ZNF154: variants seen among roughly 807,000 people sequenced by gnomAD.
The protein encoded by ZNF154 is zinc finger protein 154.
ZNF154 carries 6 observed loss-of-function variants against 7.5 expected under a neutral mutation model. The observed-to-expected ratio is 0.80, with a 90% CI of 0.44 to 1.57. The LOEUF (loss-of-function observed/expected upper bound fraction) is 1.57, where lower values mean the gene tolerates loss of function less well. Ranked by LOEUF, ZNF154 falls within the 40% of genes most tolerant of loss-of-function variation. The pLI, the probability that ZNF154 is intolerant of heterozygous loss-of-function variation, is 0.01. For missense variants in ZNF154, 485 were observed against 531.4 expected (o/e 0.91, Z 0.86); for synonymous variants, 187 against 185.9 (o/e 1.01, Z -0.05).
intron 1 of ZNF154, among the ~76,000 whole-genome samples, chr19:57,706,811 C>T (rs991572897): frequency 6.6e-6 from 1 of 152,192 alleles, no homozygotes; most frequent in Non-Finnish European, 1.5e-5. Flanking sequence ...ACCACCATGC[C>T]TAAAGATTAA....
Position 57,702,541 on chromosome 19 carries a change from TC to T in ZNF154, c.407del (p.Gly136GlufsTer154), listed in dbSNP as rs1415334454. The T allele has an allele frequency of 1.9e-6, 3 of 1,614,048 alleles. No homozygotes were observed. Among genetic ancestry groups the T allele is most frequent in the African/African-American group, 1.3e-5 (1 of 74,926 alleles). ...SHRGKTHYNC[G>X]EHTKAFSGKH... ...TACCGCTGAATGCTTTTGTGTGTTC[TC>T]CACAGTTGTAATGAGTTTTTCCTCT... On this transcript the variant is annotated frameshift_variant, in exon 3 of 3. Coordinates refer to ENST00000684351, the MANE Select transcript of ZNF154 (RefSeq NM_001085384.3). LOFTEE classifies it low-confidence loss of function (END_TRUNC).
intron 1 of ZNF154, among the ~76,000 whole-genome samples, chr19:57,708,012 C>T (rs938669463): frequency 6.6e-6 from 1 of 152,122 alleles, no homozygotes; most frequent in Admixed American, 6.5e-5. Context: ...CTCCACTTCC[C>T]TATGTGAGTT....
rs533121850 is a variant in ZNF154 at position 57,696,378 on chromosome 19, G to T, written c.*5257C>A. On this transcript the variant is annotated 3_prime_UTR_variant, in exon 3 of 3. Coordinates refer to ENST00000684351, the MANE Select transcript of ZNF154 (RefSeq NM_001085384.3). ...AAATGATAAGGCATCAACTCACTAG[G>T]TGCTGGGGATAGTGCTCGGCCCTGC... Among the ~76,000 whole-genome samples, 1 of 152,210 alleles carries T rather than the reference G, an allele frequency of 6.6e-6. No homozygotes were observed. Among genetic ancestry groups the T allele is most frequent in the East Asian group, 1.9e-4 (1 of 5,174 alleles).
chr19:57,701,456 C>A lies in ZNF154; in HGVS notation c.*179G>T. ...CTGATGCCACCCTCATAAGGGATCT[C>A]CTTCAGAGCTGTTATATCAACTGGA... On this transcript the variant is annotated 3_prime_UTR_variant, in exon 3 of 3. Coordinates refer to ENST00000684351, the MANE Select transcript of ZNF154 (RefSeq NM_001085384.3). 1.5e-6 allele frequency: 1 copy of A among 664,358 alleles called. No homozygotes were observed. The highest frequency in any genetic ancestry group is 2.5e-6 in the Non-Finnish European group (1 of 397,590). 41.2% of individuals were successfully genotyped at this position (664,358 alleles called of 1,614,324 possible).
Position 57,702,382 on chromosome 19 carries a change from A to T in ZNF154, c.567T>A (p.Tyr189Ter). The T allele has an allele frequency of 1.2e-6, 2 of 1,612,834 alleles. No individual in the cohort carries two copies. Among genetic ancestry groups the T allele is most frequent in the Non-Finnish European group, 1.7e-6 (2 of 1,178,924 alleles). Residue 189 changes from tyrosine (Y) to a stop codon, truncating the protein, a stop_gained, in exon 3 of 3, where the codon TAT becomes TAA. Transcript: ENST00000684351. LOFTEE classifies it low-confidence loss of function (END_TRUNC). ...HWRLHTGEKP[Y>*]ECRECGKSFR... Reference sequence around the variant, plus strand: ...AGGACTTCCCACACTCTCGACATTCATAAGGCTTTTCTCCAGTGTGAAGTC... The same window carrying T: ...AGGACTTCCCACACTCTCGACATTCTTAAGGCTTTTCTCCAGTGTGAAGTC...
rs34169428 is a variant in ZNF154, at chr19:57,702,374, C to A, written c.575G>T (p.Arg192Leu). 1.2e-5 allele frequency: 20 copies of A among 1,612,622 alleles called. No individual in the cohort carries two copies. Among genetic ancestry groups the A allele is most frequent in the African/African-American group, 1.3e-5 (1 of 74,886 alleles). The change falls in exon 3 of 3, where the codon CGA becomes CTA. Residue 192 changes from arginine (R) to leucine (L), a missense_variant. Coordinates refer to ENST00000684351, the MANE Select transcript of ZNF154 (RefSeq NM_001085384.3). ...LHTGEKPYEC[R>L]ECGKSFRQSS... is the part of the protein sequence containing the mutation. ...TTGCCTAAAGGACTTCCCACACTCTCGACATTCATAAGGCTTTTCTCCAGT... is the reference window on the plus strand; with the variant it reads ...TTGCCTAAAGGACTTCCCACACTCTAGACATTCATAAGGCTTTTCTCCAGT...
At chr19:57,703,441 C>A (rs907693081) in intron 2 of ZNF154, among the ~76,000 whole-genome samples, 5 of 136,228 alleles carry the variant, frequency 3.7e-5, no homozygotes, top group Non-Finnish European at 7.6e-5. Flanking sequence ...GCCAAGATTG[C>A]ACCACTGTAC....
At position 57,698,493 on chromosome 19, in the gene ZNF154, T is replaced by C. The variant is rs956482767; in HGVS notation, c.*3142A>G. ...CTTCCCAATTCTACATTCAGTAACA[T>C]GTTGGCAGTTTCAAAATTGGCATGG... On this transcript the variant is annotated 3_prime_UTR_variant, in exon 3 of 3. Coordinates refer to ENST00000684351, the MANE Select transcript of ZNF154 (RefSeq NM_001085384.3). 5 of 152,216 alleles carry C rather than the reference T, an allele frequency of 3.3e-5. No individual in the cohort carries two copies. Among genetic ancestry groups the C allele is most frequent in the African/African-American group, 7.2e-5 (3 of 41,458 alleles). 9.4% of individuals were successfully genotyped at this position (152,216 alleles called of 1,614,324 possible).
Position 57,702,792 on chromosome 19 carries a change from C to T in ZNF154, c.161-4G>A, listed in dbSNP as rs946758098. The T allele has an allele frequency of 1.4e-5, 22 of 1,592,952 alleles. No homozygotes were observed. The highest frequency in any genetic ancestry group is 1.9e-5 in the Non-Finnish European group (22 of 1,166,776). ...TGCTGCTTCTGATGATGAACATCTG[C>T]AATGAAATACAATTATTTCCCACAT... is the stretch of plus-strand genomic sequence containing the variant. On this transcript the variant is annotated splice_region_variant and splice_polypyrimidine_tract_variant and intron_variant, in intron 2 of 2. Transcript: ENST00000684351.
chr19:57,702,576 TG>T lies in ZNF154; in HGVS notation c.372del (p.Ile125SerfsTer165). On this transcript the variant is annotated frameshift_variant, in exon 3 of 3. Transcript: ENST00000684351. LOFTEE classifies it low-confidence loss of function (END_TRUNC). ...EQSNSKSDGG[A>X]ISHRGKTHYN... ...TAATGAGTTTTTCCTCTGTGACTGA[TG>T]GCCCCACCGTCGCTTTTGCTATTTG... is the stretch of plus-strand genomic sequence containing the variant. 6.2e-7 allele frequency: 1 copy of T among 1,613,928 alleles called. No homozygotes were observed. Among genetic ancestry groups the T allele is most frequent in the Non-Finnish European group, 8.5e-7 (1 of 1,179,972 alleles).
intron 2 of ZNF154, among the ~76,000 whole-genome samples, chr19:57,703,484 C>CAAAAAAAAAAAAAAAAAAAAAAAAAAAAA (rs3062223): frequency 1.3e-5 from 1 of 75,134 alleles, no homozygotes; most frequent in African/African-American, 5.7e-5. Flanking sequence ...GACTCCGTCT[C>CAAAAAAAAAAAAAAAAAAAAAAAAAAAAA]AAAAAAAAAA....
intron 1 of ZNF154, among the ~76,000 whole-genome samples, chr19:57,705,526 C>A (rs911947469): frequency 2.6e-5 from 4 of 152,068 alleles, no homozygotes; most frequent in Non-Finnish European, 5.9e-5. Flanking sequence ...GAGGCCAAGA[C>A]GGGTGGATCA....
At chr19:57,703,550 A>G (rs1188641269) in intron 2 of ZNF154, among the ~76,000 whole-genome samples, 4 of 151,526 alleles carry the variant, frequency 2.6e-5, no homozygotes, top group African/African-American at 7.3e-5. Flanking sequence ...AAAGGCCACA[A>G]CCATGAGGTA....
At position 57,698,627 on chromosome 19, in the gene ZNF154, T is replaced by C. The variant is rs573251193; in HGVS notation, c.*3008A>G. The C allele has an allele frequency of 4.6e-5, 7 of 152,326 alleles. No individual in the cohort carries two copies. The South Asian group carries it at 1.2e-3, about 27-fold the overall frequency. The allele number at this position is 152,326 out of a possible 1,614,324, so 9.4% of individuals were successfully genotyped here. On this transcript the variant is annotated 3_prime_UTR_variant, in exon 3 of 3. Coordinates refer to ENST00000684351, the MANE Select transcript of ZNF154 (RefSeq NM_001085384.3). ...TATTATCAGGTTAGTGCAAAAGTAA[T>C]TGCCGTTTTTGCATGTTGGATTTTG...
In ZNF154 at chr19:57,698,454, T is replaced by C. The variant is rs995110768; in HGVS notation, c.*3181A>G. On this transcript the variant is annotated 3_prime_UTR_variant, in exon 3 of 3. Coordinates refer to ENST00000684351, the MANE Select transcript of ZNF154 (RefSeq NM_001085384.3). Reference sequence around the variant, plus strand: ...ATGGTAGAAACAGAATATATTAGGATGCTATCAGCAACTCTTCCCAATTCT... The same window carrying C: ...ATGGTAGAAACAGAATATATTAGGACGCTATCAGCAACTCTTCCCAATTCT... 6.6e-6 allele frequency: 1 copy of C among 152,208 alleles called. No individual in the cohort carries two copies. The highest frequency in any genetic ancestry group is 1.5e-5 in the Non-Finnish European group (1 of 68,036). 9.4% of individuals were successfully genotyped at this position (152,208 alleles called of 1,614,324 possible).
Position 57,702,683 on chromosome 19 carries a change from G to T in ZNF154, c.266C>A (p.Ser89Tyr), listed in dbSNP as rs762847833. The change falls in exon 3 of 3, where the codon TCC (serine) becomes TAC (tyrosine). Residue 89 changes from serine to tyrosine, a missense_variant. Coordinates refer to ENST00000684351, the MANE Select transcript of ZNF154 (RefSeq NM_001085384.3). The stretch of plus-strand genomic sequence containing the variant: ...GTCCTTCCCAACTTCTCTGCAGGTG[G>T]AAGGCTCCCCTGACACATGGAATGT... Reference protein sequence around the residue: ...TCTFHVSGEPSTCREVGKDFL... With the variant: ...TCTFHVSGEPYTCREVGKDFL... 1.9e-6 allele frequency: 3 copies of T among 1,614,052 alleles called. No individual in the cohort carries two copies. The highest frequency in any genetic ancestry group is 2.2e-5 in the East Asian group (1 of 44,888).
intron 1 of ZNF154, 36 bp from the exon 2 acceptor site, chr19:57,705,015 C>T (rs746879780): frequency 6.3e-7 from 1 of 1,584,506 alleles, no homozygotes; most frequent in African/African-American, 1.4e-5. Context: ...CACCAAGAGC[C>T]CCTATCCCAA....
In ZNF154 at chr19:57,698,020, A is replaced by G. The variant is rs532962016; in HGVS notation, c.*3615T>C. The G allele has an allele frequency of 5.9e-5, 9 of 152,168 alleles. No individual in the cohort carries two copies. The highest frequency in any genetic ancestry group is 1.3e-4 in the Non-Finnish European group (9 of 68,008). 9.4% of individuals were successfully genotyped at this position (152,168 alleles called of 1,614,324 possible). On this transcript the variant is annotated 3_prime_UTR_variant, in exon 3 of 3. Coordinates refer to ENST00000684351, the MANE Select transcript of ZNF154 (RefSeq NM_001085384.3). ...GCACTTTAAGTTCCATTATACCTCA[A>G]ACTACTTTAAAAAACTACTCAAAAT...
chr19:57,707,648 T>C (rs1985446146), intron 1 of ZNF154, among the ~76,000 whole-genome samples: 1 of 152,134 alleles, frequency 6.6e-6, no homozygotes, highest in Non-Finnish European at 1.5e-5. Flanking sequence ...ACCTCCAGAA[T>C]AGGTACCCAA....
Sources: allele counts gnomAD v4.1 joint callset (sites outside exome capture counted in the v4.1 genomes callset), GRCh38; gene constraint gnomAD v4.1.1; transcripts MANE v1.5; gene names NCBI Gene and HGNC (gene_info 2026-07-23, HGNC 2026-07-21).